TANGO6: variants seen among roughly 807,000 people sequenced by gnomAD.
The protein encoded by TANGO6 is transport and Golgi organization protein 6 homolog.
In TANGO6, 90 loss-of-function variants were observed where a neutral mutation model predicts 114.2. That is an observed-to-expected ratio of 0.79 (90% confidence interval 0.66 to 0.94). The LOEUF (loss-of-function observed/expected upper bound fraction) is 0.94. Among genes scored for constraint, TANGO6 ranks in the 40% least tolerant of loss-of-function variants. The pLI is 0.00. For synonymous variants in TANGO6, 477 were observed against 509.8 expected (o/e 0.94, Z 0.87); for missense variants, 1,274 against 1,315.3 (o/e 0.97, Z 0.49).
Position 69,083,631 on chromosome 16 carries a change from G to A in TANGO6, c.3255G>A (p.Lys1085=). ...AAAACTTCCTGTTCCCTCCACAGAA[G>A]CTGGAGAAGAAGATCATGGTCCTGC... The part of the protein sequence containing the change: ...IMKNFLFPPQ[K]LEKKIMVLP The change falls in exon 18 of 18, where the codon AAG becomes AAA. Residue 1085 remains lysine (K), a synonymous_variant. Coordinates refer to ENST00000261778, the MANE Select transcript of TANGO6 (RefSeq NM_024562.2). The A allele has an allele frequency of 3.8e-6, 6 of 1,569,898 alleles. No individual in the cohort carries two copies. Among genetic ancestry groups the A allele is most frequent in the Non-Finnish European group, 5.2e-6 (6 of 1,157,330 alleles).
intron 14 of TANGO6, among the ~76,000 whole-genome samples, chr16:68,931,558 T>C (rs1291476497): frequency 6.6e-6 from 1 of 152,234 alleles, no homozygotes; most frequent in African/African-American, 2.4e-5. Context: ...TGCAATGGAA[T>C]ATTATTGGCT....
In TANGO6 at chr16:69,032,245, G is replaced by GTTCATTCA. The variant is rs537812204; in HGVS notation, c.2995-8052_2995-8045dup. On this transcript the variant is annotated intron_variant, in intron 16 of 17. Transcript: ENST00000261778. ...AGAATGAAATGATCTAACTTCATTC[G>GTTCATTCA]TTCATTCATTCATTCATTTATTCAT... is the stretch of plus-strand genomic sequence containing the variant. Among the ~76,000 whole-genome samples, 92 of 152,068 alleles carry GTTCATTCA rather than the reference G, an allele frequency of 6.0e-4. 1 individual carries two copies. The highest frequency in any genetic ancestry group is 2.0e-3 in the African/African-American group (85 of 41,540).
At chr16:69,001,990 G>T (rs1226558552) in intron 15 of TANGO6, among the ~76,000 whole-genome samples, 2 of 151,994 alleles carry the variant, frequency 1.3e-5, no homozygotes, top group African/African-American at 2.4e-5. Flanking sequence ...AATAATTTCT[G>T]ATACCCCCAA....
At chr16:69,075,174 CTT>C (rs59445014) in intron 17 of TANGO6, among the ~76,000 whole-genome samples, 4,252 of 134,716 alleles carry the variant, frequency 0.032, 83 homozygotes, top group Non-Finnish European at 0.045. Context: ...CCAAAGTCTG[CTT>C]TTTTTTTTTT....
chr16:68,975,838 T>G (rs1480412208), intron 15 of TANGO6, among the ~76,000 whole-genome samples: 1 of 152,112 alleles, frequency 6.6e-6, no homozygotes, highest in African/African-American at 2.4e-5. Flanking sequence ...ATTACAGGTG[T>G]GCGCCATCGT....
chr16:68,988,112 AT>A (rs781251839), intron 15 of TANGO6, among the ~76,000 whole-genome samples: 9 of 152,112 alleles, frequency 5.9e-5, no homozygotes, highest in Non-Finnish European at 1.2e-4. Flanking sequence ...CCAGAGTAAA[AT>A]TCTTGGAAAA....
intron 9 of TANGO6, among the ~76,000 whole-genome samples, chr16:68,906,613 A>G (rs932146975): frequency 6.7e-6 from 1 of 150,138 alleles, no homozygotes; most frequent in African/African-American, 2.5e-5. Flanking sequence ...CATGTTGTCT[A>G]TGTTACTTGA....
chr16:68,891,013 A>G (rs1962605991), intron 7 of TANGO6, among the ~76,000 whole-genome samples: 2 of 143,340 alleles, frequency 1.4e-5, no homozygotes, highest in Admixed American at 1.4e-4. Flanking sequence ...CAACAGAGTG[A>G]GACTCCATCT....
chr16:68,948,898 C>G (rs954618608), intron 14 of TANGO6, among the ~76,000 whole-genome samples: 2 of 152,184 alleles, frequency 1.3e-5, no homozygotes, highest in Non-Finnish European at 2.9e-5. Context: ...AGAAATCAAT[C>G]CTGGGTGGCT....
At chr16:69,024,919 C>T (rs758572699) in intron 16 of TANGO6, among the ~76,000 whole-genome samples, 24 of 152,110 alleles carry the variant, frequency 1.6e-4, no homozygotes, top group Non-Finnish European at 2.6e-4. Flanking sequence ...GCGATTCTCC[C>T]GCATTAGCCT....
intron 9 of TANGO6, among the ~76,000 whole-genome samples, chr16:68,906,651 A>G (rs1366762921): frequency 1.3e-5 from 2 of 151,940 alleles, no homozygotes; most frequent in African/African-American, 4.8e-5. Flanking sequence ...AGTTGTGACC[A>G]TAATGTACTA....
chr16:69,082,693 C>T (rs1334938462), intron 17 of TANGO6, among the ~76,000 whole-genome samples: 1 of 151,634 alleles, frequency 6.6e-6, no homozygotes. Context: ...TACAGTGAGC[C>T]GAGATTGTGC....
intron 13 of TANGO6, among the ~76,000 whole-genome samples, chr16:68,929,256 C>T (rs1388909423): frequency 1.3e-5 from 2 of 152,196 alleles, no homozygotes; most frequent in Non-Finnish European, 2.9e-5. Flanking sequence ...AAGGTGAATT[C>T]AATGAACATC....
At chr16:69,039,750 C>T (rs1959745805) in intron 16 of TANGO6, among the ~76,000 whole-genome samples, 1 of 152,222 alleles carries the variant, frequency 6.6e-6, no homozygotes, top group Non-Finnish European at 1.5e-5. Flanking sequence ...CCGGTGTACA[C>T]TACATTTGTA....
At chr16:69,027,232 G>A (rs1170671219) in intron 16 of TANGO6, among the ~76,000 whole-genome samples, 1 of 152,160 alleles carries the variant, frequency 6.6e-6, no homozygotes, top group Non-Finnish European at 1.5e-5. Flanking sequence ...ACTCACAGAT[G>A]TATGCATACA....
At chr16:68,930,575 A>G (rs1963226420) in intron 14 of TANGO6, among the ~76,000 whole-genome samples, 1 of 152,106 alleles carries the variant, frequency 6.6e-6, no homozygotes, top group African/African-American at 2.4e-5. Flanking sequence ...TCAAGGAGGT[A>G]AAGAATGACT....
At chr16:68,936,788 C>T (rs995720164) in intron 14 of TANGO6, among the ~76,000 whole-genome samples, 1 of 151,362 alleles carries the variant, frequency 6.6e-6, no homozygotes, top group Admixed American at 6.6e-5. Flanking sequence ...AACTACCAGC[C>T]TTCTTTTAAA....
At chr16:68,911,776 G>A (rs1962926131) in intron 11 of TANGO6, among the ~76,000 whole-genome samples, 1 of 152,130 alleles carries the variant, frequency 6.6e-6, no homozygotes, top group Non-Finnish European at 1.5e-5. Flanking sequence ...ATGGAATAAG[G>A]TTGATTCGAA....
At chr16:69,019,081 T>C (rs1032051320) in intron 15 of TANGO6, among the ~76,000 whole-genome samples, 3 of 152,222 alleles carry the variant, frequency 2.0e-5, no homozygotes, top group Non-Finnish European at 4.4e-5. Flanking sequence ...AATTCTGTCA[T>C]GTTCATTTTA....
Sources: allele counts gnomAD v4.1 joint callset (sites outside exome capture counted in the v4.1 genomes callset), GRCh38; gene constraint gnomAD v4.1.1; transcripts MANE v1.5; gene names NCBI Gene and HGNC (gene_info 2026-07-23, HGNC 2026-07-21).